OXR1: variants seen among roughly 807,000 people sequenced by gnomAD.
The protein encoded by OXR1 is oxidation resistance 1.
Under a neutral mutation model 104.6 loss-of-function variants are expected in OXR1, and 41 were observed. That is an observed-to-expected ratio of 0.39 (90% CI 0.31 to 0.51). The LOEUF is 0.51. OXR1 is among the 20% of genes least tolerant of loss of function. The pLI, the probability that OXR1 is intolerant of heterozygous loss-of-function variation, is 0.77. For missense variants in OXR1, 955 were observed against 1,031.9 expected, an observed-to-expected ratio of 0.93 and a Z score of 1.02; for synonymous variants, 348 against 348.4, an observed-to-expected ratio of 1.00 and a Z score of 0.01.
chr8:106,523,489 C>A (rs1813410036), intron 3 of OXR1, among the ~76,000 whole-genome samples: 1 of 151,994 alleles, frequency 6.6e-6, no homozygotes, highest in African/African-American at 2.4e-5. Flanking sequence ...ACTTCCATTA[C>A]TATTTTGACT....
At chr8:106,659,922 T>C (rs937242390) in intron 3 of OXR1, among the ~76,000 whole-genome samples, 2 of 152,222 alleles carry the variant, frequency 1.3e-5, no homozygotes, top group Admixed American at 1.3e-4. Flanking sequence ...AGCTGCCTTA[T>C]GTATTCATTG....
intron 3 of OXR1, among the ~76,000 whole-genome samples, chr8:106,613,429 G>A (rs944920535): frequency 3.3e-5 from 5 of 152,108 alleles, no homozygotes; most frequent in Non-Finnish European, 7.4e-5. Context: ...TCAGAGTTTC[G>A]CTCTTGTTGC....
chr8:106,458,357 C>G (rs922201975), intron 2 of OXR1, among the ~76,000 whole-genome samples: 1 of 152,150 alleles, frequency 6.6e-6, no homozygotes, highest in African/African-American at 2.4e-5. Context: ...CAACCTGCTG[C>G]TCTGGAAGGT....
At chr8:106,282,281 C>G (rs1812321444) in intron 1 of OXR1, among the ~76,000 whole-genome samples, 1 of 152,166 alleles carries the variant, frequency 6.6e-6, no homozygotes, top group South Asian at 2.1e-4. Flanking sequence ...GTACCTGTCA[C>G]TTTGTCACCA....
At chr8:106,658,298 T>G in intron 3 of OXR1, 1 of 1,178,034 alleles carries the variant, frequency 8.5e-7, no homozygotes, top group East Asian at 3.3e-5. Context: ...CAGGTGTGCC[T>G]GGGCCGGGGC....
intron 1 of OXR1, among the ~76,000 whole-genome samples, chr8:106,284,824 T>A (rs1481343072): frequency 6.6e-6 from 1 of 152,120 alleles, no homozygotes; most frequent in African/African-American, 2.4e-5. Flanking sequence ...AAAAAAAGGC[T>A]GTTAAAATTA....
rs759133757 is a variant in OXR1 at position 106,679,207 on chromosome 8, C to T, written c.221-3C>T. On this transcript the variant is annotated splice_region_variant and splice_polypyrimidine_tract_variant and intron_variant, in intron 3 of 16. Coordinates refer to ENST00000517566, the MANE Select transcript of OXR1 (RefSeq NM_001198533.2). ...TAATAGGAATTTTGCCTTTTTTTCCCAGACACTGGCCAAAAGAAGACCCTA... is the reference window on the plus strand; with the variant it reads ...TAATAGGAATTTTGCCTTTTTTTCCTAGACACTGGCCAAAAGAAGACCCTA... The T allele has an allele frequency of 4.4e-6, 7 of 1,596,830 alleles. No individual in the cohort carries two copies. In the African/African-American group the frequency reaches 9.5e-5, roughly 22 times the overall value.
At chr8:106,471,394 A>T (rs1563544237) in intron 2 of OXR1, among the ~76,000 whole-genome samples, 1 of 151,726 alleles carries the variant, frequency 6.6e-6, no homozygotes, top group African/African-American at 2.4e-5. Flanking sequence ...TGCCTATTCA[A>T]TCCAGCCTAG....
At chr8:106,592,941 T>C (rs1819211281) in intron 3 of OXR1, among the ~76,000 whole-genome samples, 1 of 152,214 alleles carries the variant, frequency 6.6e-6, no homozygotes, top group South Asian at 2.1e-4. Flanking sequence ...CTCCATGTTT[T>C]CTAAATGTGA....
At position 106,594,884 on chromosome 8, in the gene OXR1, G is replaced by T. The variant is rs547565785; in HGVS notation, c.220+75745G>T. Among the ~76,000 whole-genome samples the T allele has an allele frequency of 3.3e-5, 5 of 152,278 alleles. No homozygotes were observed. The East Asian group carries it at 7.8e-4, about 24-fold the overall frequency. On this transcript the variant is annotated intron_variant, in intron 3 of 16. Transcript: ENST00000517566. ...ACTACATCAGAGGGAAATTGGCAGG[G>T]GAATTGTTGGAACTGGAAAGTATCA... is the stretch of plus-strand genomic sequence containing the variant.
chr8:106,704,343 G>A (rs1357306381), intron 8 of OXR1, among the ~76,000 whole-genome samples: 1 of 148,094 alleles, frequency 6.8e-6, no homozygotes, highest in Non-Finnish European at 1.5e-5. Flanking sequence ...TCATTGGTGA[G>A]ATTCTGTTGT....
intron 1 of OXR1, among the ~76,000 whole-genome samples, chr8:106,313,408 T>C (rs1471902829): frequency 1.3e-5 from 2 of 152,156 alleles, no homozygotes; most frequent in East Asian, 1.9e-4. Flanking sequence ...TGTCCTGTAG[T>C]AGATTTTAGA....
At chr8:106,711,468 G>A (rs551244119) in intron 10 of OXR1, among the ~76,000 whole-genome samples, 6 of 151,962 alleles carry the variant, frequency 3.9e-5, no homozygotes, top group African/African-American at 1.2e-4. Flanking sequence ...TCATTACAAC[G>A]TACTATATTT....
At chr8:106,607,816 T>A (rs1025548993) in intron 3 of OXR1, among the ~76,000 whole-genome samples, 1 of 144,552 alleles carries the variant, frequency 6.9e-6, no homozygotes, top group Non-Finnish European at 1.5e-5. Flanking sequence ...TTTCTTTTTC[T>A]TTTTTTTTTT....
intron 11 of OXR1, among the ~76,000 whole-genome samples, chr8:106,714,357 C>T (rs1413484327): frequency 2.0e-5 from 3 of 152,102 alleles, no homozygotes; most frequent in African/African-American, 4.8e-5. Flanking sequence ...TTAATTTCAT[C>T]TCCTCCATGG....
intron 3 of OXR1, among the ~76,000 whole-genome samples, chr8:106,598,490 T>G (rs565567074): frequency 2.2e-4 from 33 of 152,340 alleles, no homozygotes; most frequent in African/African-American, 7.9e-4. Flanking sequence ...ATTTCACAGT[T>G]CTGCGATTGT....
chr8:106,668,537 T>C (rs567319150), intron 3 of OXR1, among the ~76,000 whole-genome samples: 5 of 152,234 alleles, frequency 3.3e-5, no homozygotes, highest in African/African-American at 1.2e-4. Flanking sequence ...ATCTCTGGTT[T>C]TGAGATAGAA....
At chr8:106,478,743 T>C (rs1385852672) in intron 2 of OXR1, among the ~76,000 whole-genome samples, 1 of 151,848 alleles carries the variant, frequency 6.6e-6, no homozygotes, top group Non-Finnish European at 1.5e-5. Context: ...TTTGTACTAT[T>C]ATTTAATTTT....
At chr8:106,616,313 A>T (rs1167215104) in intron 3 of OXR1, among the ~76,000 whole-genome samples, 1 of 139,832 alleles carries the variant, frequency 7.2e-6, no homozygotes, top group Non-Finnish European at 1.5e-5. Context: ...CGCCCACCTC[A>T]GCCTCCCAAA....
Sources: allele counts gnomAD v4.1 joint callset (sites outside exome capture counted in the v4.1 genomes callset), GRCh38; gene constraint gnomAD v4.1.1; transcripts MANE v1.5; gene names NCBI Gene and HGNC (gene_info 2026-07-23, HGNC 2026-07-21).